Variants in LRRC72 observed in about 807,000 individuals in gnomAD.
LRRC72 encodes leucine rich repeat containing 72.
LRRC72 carries 41 observed loss-of-function variants against 35.8 expected under a neutral mutation model. The ratio of observed to expected loss-of-function variants is 1.15; its 90% CI spans 0.89 to 1.49. The LOEUF is 1.49. LRRC72 is among the 40% of genes most tolerant of loss of function. The pLI, the probability that LRRC72 is intolerant of heterozygous loss-of-function variation, is 0.00. For missense variants in LRRC72, 389 were observed against 330.7 expected (o/e 1.18, Z -1.37); for synonymous variants, 118 against 119.2 (o/e 0.99, Z 0.07).
At chr7:16,531,624 G>A (rs1377660357) in intron 1 of LRRC72, among the ~76,000 whole-genome samples, 3 of 152,148 alleles carry the variant, frequency 2.0e-5, no homozygotes, top group South Asian at 2.1e-4. Flanking sequence ...TAATTACAAT[G>A]TTTGTCAGAT....
intron 3 of LRRC72, among the ~76,000 whole-genome samples, chr7:16,542,944 G>A (rs1184405717): frequency 6.6e-6 from 1 of 152,146 alleles, no homozygotes; most frequent in South Asian, 2.1e-4. Context: ...TTTAGTCCGT[G>A]TAGTACTGAA....
chr7:16,568,748 A>G (rs2128338404), intron 7 of LRRC72, among the ~76,000 whole-genome samples: 1 of 152,332 alleles, frequency 6.6e-6, no homozygotes. Context: ...CACCAAAGGC[A>G]AAACCATCTT....
At chr7:16,553,167 C>T (rs1003857188) in intron 3 of LRRC72, among the ~76,000 whole-genome samples, 6 of 152,218 alleles carry the variant, frequency 3.9e-5, no homozygotes, top group East Asian at 1.9e-4. Flanking sequence ...ATTGATGCAT[C>T]GAATATTTTC....
At chr7:16,544,854 TG>T (rs1782417842) in intron 3 of LRRC72, among the ~76,000 whole-genome samples, 1 of 152,246 alleles carries the variant, frequency 6.6e-6, no homozygotes, top group Non-Finnish European at 1.5e-5. Flanking sequence ...AAATGGAATC[TG>T]GGTTTCTGCT....
chr7:16,581,267 G>C lies in LRRC72; in HGVS notation c.699-57G>C. The C allele has an allele frequency of 2.9e-6, 4 of 1,384,466 alleles. No homozygotes were observed. The East Asian group carries it at 7.9e-5, about 27-fold the overall frequency. 85.8% of individuals were successfully genotyped at this position (1,384,466 alleles called of 1,614,324 possible). A position where few individuals can be genotyped will look rare whatever the true frequency, so the allele number is the denominator to read the frequency against. On this transcript the variant is annotated intron_variant, in intron 8 of 8. Coordinates refer to ENST00000401542, the MANE Select transcript of LRRC72 (RefSeq NM_001195280.2). ...TTCATTTGAATAAAAATTTCATTTT[G>C]GTCAAATTTTCATTTTTGATTGCTT... is the stretch of plus-strand genomic sequence containing the variant.
chr7:16,546,381 G>A (rs999140611), intron 3 of LRRC72, among the ~76,000 whole-genome samples: 1 of 151,932 alleles, frequency 6.6e-6, no homozygotes, highest in African/African-American at 2.4e-5. Context: ...TGTATTTCAG[G>A]ATGCTCAGCA....
chr7:16,546,510 G>A (rs561503416), intron 3 of LRRC72, among the ~76,000 whole-genome samples: 1 of 152,086 alleles, frequency 6.6e-6, no homozygotes, highest in Non-Finnish European at 1.5e-5. Context: ...CCTCCACTGA[G>A]AATCATTCAA....
intron 7 of LRRC72, among the ~76,000 whole-genome samples, chr7:16,572,074 C>T (rs1387097985): frequency 1.3e-5 from 2 of 152,054 alleles, no homozygotes; most frequent in African/African-American, 4.8e-5. Flanking sequence ...TTAACAAAGC[C>T]GCCAGGAAGT....
chr7:16,566,379 G>A lies in LRRC72; in HGVS notation c.494G>A (p.Gly165Glu). 6.5e-7 allele frequency: 1 copy of A among 1,546,162 alleles called. No individual in the cohort carries two copies. The highest frequency in any genetic ancestry group is 8.7e-7 in the Non-Finnish European group (1 of 1,145,128). ...TTATATATCATCTACCACCTTCCAG[G>A]AGTGGAGCTGCTTGACCGAAATCGT... ...YRLYIIYHLP[G>E]VELLDRNQVT... The change falls in exon 6 of 9, where the codon GGA becomes GAA. Residue 165 changes from glycine to glutamate, a missense_variant. Coordinates refer to ENST00000401542, the MANE Select transcript of LRRC72 (RefSeq NM_001195280.2).
chr7:16,567,620 A>G (rs1235454482), intron 7 of LRRC72, 77 bp downstream of exon 7: 1 of 1,159,712 alleles, frequency 8.6e-7, no homozygotes, highest in African/African-American at 1.6e-5. Flanking sequence ...TTTGATTGTA[A>G]TAATAACAAC....
chr7:16,540,060 C>T (rs932440689), intron 3 of LRRC72, among the ~76,000 whole-genome samples: 1 of 152,156 alleles, frequency 6.6e-6, no homozygotes, highest in Non-Finnish European at 1.5e-5. Context: ...ATGGTAGCTT[C>T]ACCGACAACT....
At chr7:16,555,857 G>A (rs775754926) in intron 3 of LRRC72, among the ~76,000 whole-genome samples, 1 of 152,048 alleles carries the variant, frequency 6.6e-6, no homozygotes. Flanking sequence ...ATATATTCTT[G>A]TATACATAAA....
At chr7:16,545,481 G>A (rs1387569758) in intron 3 of LRRC72, among the ~76,000 whole-genome samples, 1 of 151,962 alleles carries the variant, frequency 6.6e-6, no homozygotes, top group Non-Finnish European at 1.5e-5. Context: ...TCTTTAATCA[G>A]ATTTATTTCT....
chr7:16,534,308 C>G (rs556026151), intron 2 of LRRC72, among the ~76,000 whole-genome samples: 1 of 152,150 alleles, frequency 6.6e-6, no homozygotes. Flanking sequence ...CTGGCCTCAC[C>G]TTATAATGTA....
At chr7:16,529,875 G>A (rs986003428) in intron 1 of LRRC72, among the ~76,000 whole-genome samples, 3 of 152,130 alleles carry the variant, frequency 2.0e-5, no homozygotes, top group Admixed American at 1.3e-4. Flanking sequence ...ATTAATATGT[G>A]GTTATTGTGA....
chr7:16,550,450 T>G (rs936974873), intron 3 of LRRC72, among the ~76,000 whole-genome samples: 4 of 152,170 alleles, frequency 2.6e-5, no homozygotes, highest in Non-Finnish European at 5.9e-5. Flanking sequence ...AGTCACAGAA[T>G]AAACAATAAG....
intron 2 of LRRC72, among the ~76,000 whole-genome samples, chr7:16,534,176 A>G (rs1782214071): frequency 6.6e-6 from 1 of 152,230 alleles, no homozygotes; most frequent in Admixed American, 6.5e-5. Context: ...GGAAATGGAA[A>G]GCATCTTATC....
chr7:16,543,972 G>A (rs1782402356), intron 3 of LRRC72, among the ~76,000 whole-genome samples: 1 of 152,160 alleles, frequency 6.6e-6, no homozygotes, highest in Non-Finnish European at 1.5e-5. Flanking sequence ...AAGTTACTTG[G>A]AGCCAAAAGC....
rs996222678 is a variant in LRRC72 at position 16,566,226 on chromosome 7, G to A, written c.428-87G>A. On this transcript the variant is annotated intron_variant, in intron 5 of 8. Transcript: ENST00000401542. ...CTTTACAAGTTCTTATGTTTTATAC[G>A]AATCTCTTAATTTTTTGTATTTTAT... 10 of 717,124 alleles carry A rather than the reference G, an allele frequency of 1.4e-5. No individual in the cohort carries two copies. The African/African-American group carries it at 1.8e-4, about 13-fold the overall frequency. The allele number at this position is 717,124 out of a possible 1,614,324, so 44.4% of individuals were successfully genotyped here.
Sources: gnomAD v4.1 joint callset for allele counts (sites outside exome capture counted in the v4.1 genomes callset) on GRCh38, gnomAD v4.1.1 for gene constraint, MANE v1.5 for transcripts, NCBI Gene and HGNC (gene_info 2026-07-23, HGNC 2026-07-21) for gene names.